ZNF33A: variants seen among roughly 807,000 people sequenced by gnomAD.
The protein encoded by ZNF33A is brain my041 protein.
A neutral mutation model predicts 15.9 loss-of-function variants in ZNF33A; 9 were observed. The observed-to-expected ratio is 0.57, with a 90% CI of 0.34 to 0.99. The LOEUF (loss-of-function observed/expected upper bound fraction) is 0.99. Ranked by LOEUF, ZNF33A falls within the 50% of genes least tolerant of loss-of-function variation. The pLI is 0.02. For missense variants in ZNF33A, 843 were observed against 941.6 expected (o/e 0.90, Z 1.37); for synonymous variants, 294 against 324.2 (o/e 0.91, Z 1.00).
At position 38,058,662 on chromosome 10, in the gene ZNF33A, T is replaced by G. The variant is rs187382164; in HGVS notation, c.*2102T>G. 1 of 152,360 alleles carries G rather than the reference T, an allele frequency of 6.6e-6. No homozygotes were observed. Among genetic ancestry groups the G allele is most frequent in the African/African-American group, 2.4e-5 (1 of 41,564 alleles). 9.4% of individuals were successfully genotyped at this position (152,360 alleles called of 1,614,324 possible). ...GGCATGCGTGTGTAGTCGAAGCTAC[T>G]CAGGAGGCTGAGGCAGAAGAATCAC... On this transcript the variant is annotated 3_prime_UTR_variant, in exon 5 of 5. Transcript: ENST00000432900.
At position 38,057,541 on chromosome 10, in the gene ZNF33A, C is replaced by T; in HGVS notation, c.*981C>T. 1.0e-6 allele frequency: 1 copy of T among 985,164 alleles called. No homozygotes were observed. Among genetic ancestry groups the T allele is most frequent in the South Asian group, 4.7e-5 (1 of 21,290 alleles). 61.0% of individuals were successfully genotyped at this position (985,164 alleles called of 1,614,324 possible). ...GTAGTGGTTACATTATCAGGCCCATCCCAGATGTTTGTGATGTCCTGAAAC... is the reference window on the plus strand; with the variant it reads ...GTAGTGGTTACATTATCAGGCCCATTCCAGATGTTTGTGATGTCCTGAAAC... On this transcript the variant is annotated 3_prime_UTR_variant, in exon 5 of 5. Coordinates refer to ENST00000432900, the MANE Select transcript of ZNF33A (RefSeq NM_006954.2).
rs987370480 is a variant in ZNF33A at position 38,016,091 on chromosome 10, CTTA to C, written c.10-774_10-772del. On this transcript the variant is annotated intron_variant, in intron 2 of 4. Transcript: ENST00000432900. ...AAAATCTTTCCATTTTCTACACATC[CTTA>C]TTATTGTCTCTGAATTAAAGGATTA... The C allele has an allele frequency of 8.9e-6, 9 of 1,014,038 alleles. No homozygotes were observed. The Admixed American group carries it at 1.3e-4, about 14-fold the overall frequency. 62.8% of individuals were successfully genotyped at this position (1,014,038 alleles called of 1,614,324 possible). A position where few individuals can be genotyped will look rare whatever the true frequency, so the allele number is the denominator to read the frequency against.
chr10:38,052,600 A>C (rs541971153), intron 4 of ZNF33A, among the ~76,000 whole-genome samples: 76 of 152,270 alleles, frequency 5.0e-4, no homozygotes, highest in African/African-American at 1.8e-3. Context: ...TTGAGTACGT[A>C]ATTCTAAACT....
chr10:38,010,672 T>G, upstream of ZNF33A: 3 of 1,586,760 alleles, frequency 1.9e-6, no homozygotes, highest in African/African-American at 1.3e-5. Context: ...CGGCTACGTC[T>G]GCGTTTCCGC....
At chr10:38,023,865 A>G (rs1457759042) in intron 4 of ZNF33A, among the ~76,000 whole-genome samples, 9 of 152,286 alleles carry the variant, frequency 5.9e-5, no homozygotes, top group Non-Finnish European at 8.8e-5. Context: ...GGAATCTTAG[A>G]AAAAAACCTC....
intron 4 of ZNF33A, among the ~76,000 whole-genome samples, chr10:38,029,681 G>T (rs2065131245): frequency 6.6e-6 from 1 of 152,144 alleles, no homozygotes; most frequent in Non-Finnish European, 1.5e-5. Context: ...AATGAGATCT[G>T]CAAAGAAACG....
chr10:38,048,173 G>T (rs2066041407), intron 4 of ZNF33A, among the ~76,000 whole-genome samples: 1 of 152,188 alleles, frequency 6.6e-6, no homozygotes, highest in African/African-American at 2.4e-5. Flanking sequence ...TCTGATGTCT[G>T]ATGGAAATCT....
downstream of ZNF33A, chr10:38,064,494 C>A (rs1453554617): frequency 4.5e-6 from 1 of 222,854 alleles, no homozygotes; most frequent in Non-Finnish European, 8.7e-6. Context: ...AAAGAAGATT[C>A]AAGTTTTATC....
rs1359514846 is a variant in ZNF33A, at chr10:38,054,822, T to A, written c.698T>A (p.Val233Glu). 6.2e-7 allele frequency: 1 copy of A among 1,613,448 alleles called. No individual in the cohort carries two copies. Among genetic ancestry groups the A allele is most frequent in the Non-Finnish European group, 8.5e-7 (1 of 1,179,984 alleles). ...ICQETLLEKA[V>E]FNTQKRENAE... Reference sequence around the variant, plus strand: ...CAGGAAACCCTCCTTGAAAAGGCAGTATTCAATACACAGAAGAGAGAGAAC... The same window carrying A: ...CAGGAAACCCTCCTTGAAAAGGCAGAATTCAATACACAGAAGAGAGAGAAC... Residue 233 changes from valine to glutamate, a missense_variant, in exon 5 of 5, where the codon GTA (valine) becomes GAA (glutamate). Val to Glu is a moderately radical substitution (Grantham distance 121). Coordinates refer to ENST00000432900, the MANE Select transcript of ZNF33A (RefSeq NM_006954.2).
chr10:38,045,730 T>G (rs965305176), intron 4 of ZNF33A, among the ~76,000 whole-genome samples: 1 of 152,204 alleles, frequency 6.6e-6, no homozygotes, highest in Non-Finnish European at 1.5e-5. Flanking sequence ...GTTGCTGTCA[T>G]AGAACTGCCA....
At chr10:38,031,409 A>G (rs1355296777) in intron 4 of ZNF33A, among the ~76,000 whole-genome samples, 3 of 151,916 alleles carry the variant, frequency 2.0e-5, no homozygotes, top group African/African-American at 4.8e-5. Flanking sequence ...ATCTCTACAA[A>G]AAGTAAAGAC....
At chr10:38,046,250 A>G (rs629577) in intron 4 of ZNF33A, among the ~76,000 whole-genome samples, 79,322 of 151,966 alleles carry the variant, frequency 0.52, 21,041 homozygotes, top group South Asian at 0.71. Context: ...AATGTTCAGC[A>G]AAGTACTAAT....
At chr10:38,014,120 C>T (rs2064335264) in intron 2 of ZNF33A, among the ~76,000 whole-genome samples, 1 of 134,484 alleles carries the variant, frequency 7.4e-6, no homozygotes, top group South Asian at 2.5e-4. Context: ...TGGCTCACTG[C>T]AGCCTCTGCC....
chr10:38,012,348 A>G lies in ZNF33A; in HGVS notation c.7A>G (p.Lys3Glu), dbSNP rs753557272. The G allele has an allele frequency of 6.2e-6, 10 of 1,613,668 alleles. No individual in the cohort carries two copies. Among genetic ancestry groups the G allele is most frequent in the African/African-American group, 4.0e-5 (3 of 74,846 alleles). ...TTTCCAAGAACAGAACAAAATGAAC[A>G]AGGTAAGTTGTTTATTAATTCCCTA... Reference protein sequence around the residue: MNKVEQKSQESVS... With the variant: MNEVEQKSQESVS... Residue 3 changes from lysine to glutamate, a missense_variant and splice_region_variant, in exon 2 of 5, where the codon AAG becomes GAG. Transcript: ENST00000432900.
At chr10:38,019,627 T>C (rs1169977470) in intron 4 of ZNF33A, among the ~76,000 whole-genome samples, 2 of 152,230 alleles carry the variant, frequency 1.3e-5, no homozygotes, top group Non-Finnish European at 2.9e-5. Flanking sequence ...TAAAAATCTG[T>C]ATCTTTTGAA....
intron 2 of ZNF33A, among the ~76,000 whole-genome samples, chr10:38,016,353 T>C (rs2064450956): frequency 6.6e-6 from 1 of 152,232 alleles, no homozygotes; most frequent in Admixed American, 6.5e-5. Context: ...GCTTTTTTTC[T>C]CAAGACAGCA....
intron 4 of ZNF33A, among the ~76,000 whole-genome samples, chr10:38,028,011 G>T (rs935214132): frequency 2.0e-5 from 3 of 152,122 alleles, no homozygotes; most frequent in Admixed American, 6.6e-5. Flanking sequence ...GAAGCTGGGT[G>T]GTTCACACCT....
downstream of ZNF33A, among the ~76,000 whole-genome samples, chr10:38,062,968 A>T (rs1286948463): frequency 7.5e-6 from 1 of 132,686 alleles, no homozygotes; most frequent in African/African-American, 3.0e-5. Context: ...ACGCCGCTGC[A>T]CTCCAGCCTG....
chr10:38,067,046 T>C (rs2066715476), downstream of ZNF33A, among the ~76,000 whole-genome samples: 1 of 152,226 alleles, frequency 6.6e-6, no homozygotes. Context: ...TTCTGAGCAT[T>C]CTGTAATATT....
Sources: allele counts gnomAD v4.1 joint callset (sites outside exome capture counted in the v4.1 genomes callset), GRCh38; gene constraint gnomAD v4.1.1; transcripts MANE v1.5; gene names NCBI Gene and HGNC (gene_info 2026-07-23, HGNC 2026-07-21).